AFF1: variants seen among roughly 807,000 people sequenced by gnomAD.
AFF1 encodes AF4/FMR2 family member 1.
A neutral mutation model predicts 121.7 loss-of-function variants in AFF1; 48 were observed. That is an observed-to-expected ratio of 0.39 (90% CI 0.31 to 0.50). The LOEUF (loss-of-function observed/expected upper bound fraction) is 0.50, where lower values mean the gene tolerates loss of function less well. AFF1 is among the 20% of genes least tolerant of loss of function. The pLI is 0.76. For missense variants in AFF1, 1,523 were observed against 1,511.7 expected (o/e 1.01, Z -0.12); for synonymous variants, 613 against 563.0 (o/e 1.09, Z -1.26).
At position 87,041,600 on chromosome 4, in the gene AFF1, A is replaced by G. The variant is rs543229077; in HGVS notation, c.39-4566A>G. ...GAGAACTTGTAACTCACTATATTCT[A>G]TTCGGAACAGTGGGAAAGAATGGCC... On this transcript the variant is annotated intron_variant, in intron 2 of 20. Transcript: ENST00000395146. Among the ~76,000 whole-genome samples, 189 of 152,268 alleles carry G rather than the reference A, an allele frequency of 1.2e-3. 1 individual carries two copies. Among genetic ancestry groups the G allele is most frequent in the South Asian group, 2.3e-3 (11 of 4,824 alleles).
intron 7 of AFF1, among the ~76,000 whole-genome samples, chr4:87,094,463 T>C (rs1448043659): frequency 6.6e-6 from 1 of 152,172 alleles, no homozygotes; most frequent in African/African-American, 2.4e-5. Flanking sequence ...ATGAATGAAT[T>C]GCAGGTGGGG....
intron 2 of AFF1, among the ~76,000 whole-genome samples, chr4:86,952,638 A>G (rs1721432630): frequency 6.6e-6 from 1 of 151,676 alleles, no homozygotes; most frequent in African/African-American, 2.4e-5. Context: ...TGTTCTGCAC[A>G]TGTATCCCAG....
chr4:87,127,173 C>CG lies in AFF1; in HGVS notation c.2903+56_2903+57insG, dbSNP rs1560657590. The CG allele has an allele frequency of 2.1e-5, 27 of 1,296,246 alleles. 1 individual carries two copies. The highest frequency in any genetic ancestry group is 1.1e-4 in the Admixed American group (6 of 53,942). The allele number at this position is 1,296,246 out of a possible 1,614,324, so 80.3% of individuals were successfully genotyped here. A position where few individuals can be genotyped will look rare whatever the true frequency, so the allele number is the denominator to read the frequency against. On this transcript the variant is annotated intron_variant, in intron 15 of 20. Coordinates refer to ENST00000395146, the MANE Select transcript of AFF1 (RefSeq NM_001166693.3). ...GTTTTGTTTTGTTTTGCTTCCCCCCCCCACCAAGATAGAGTCTCACTCTGT... is the reference window on the plus strand; with the variant it reads ...GTTTTGTTTTGTTTTGCTTCCCCCCCGCCACCAAGATAGAGTCTCACTCTGT...
At chr4:87,035,151 T>A (rs1729432159) in intron 2 of AFF1, among the ~76,000 whole-genome samples, 1 of 152,092 alleles carries the variant, frequency 6.6e-6, no homozygotes, top group South Asian at 2.1e-4. Flanking sequence ...AGGGAGAAGA[T>A]CTGTGCTTCC....
intron 2 of AFF1, among the ~76,000 whole-genome samples, chr4:87,002,104 CTTTTTTT>C (rs764965353): frequency 4.2e-5 from 6 of 141,976 alleles, no homozygotes; most frequent in Non-Finnish European, 9.2e-5. Flanking sequence ...TTTTCTTTTC[CTTTTTTT>C]TTTTTTTTCC....
chr4:86,991,907 A>G (rs2149506702), intron 2 of AFF1, among the ~76,000 whole-genome samples: 1 of 144,610 alleles, frequency 6.9e-6, no homozygotes, highest in Non-Finnish European at 1.5e-5. Context: ...TATTTATTGA[A>G]TTTTCTTTCA....
At chr4:87,049,960 T>G (rs1400050018) in intron 4 of AFF1, among the ~76,000 whole-genome samples, 3 of 152,232 alleles carry the variant, frequency 2.0e-5, no homozygotes, top group Admixed American at 1.3e-4. Flanking sequence ...GACTTAGCAT[T>G]AATTTTCTGT....
chr4:86,981,625 T>G (rs1282658830), intron 2 of AFF1, among the ~76,000 whole-genome samples: 2 of 152,130 alleles, frequency 1.3e-5, no homozygotes, highest in African/African-American at 2.4e-5. Context: ...TGTCTCGATC[T>G]CCCCAAAGTG....
rs1730021320 is a variant in AFF1 at position 87,040,492 on chromosome 4, A to G, written c.39-5674A>G. ...CTTTGCTAGCAGAACTGTGGCTGAG[A>G]GTATAAGCTTTCTTGCCAGGCATTG... is the stretch of plus-strand genomic sequence containing the variant. On this transcript the variant is annotated intron_variant, in intron 2 of 20. Transcript: ENST00000395146. Among the ~76,000 whole-genome samples, 2 of 151,706 alleles carry G rather than the reference A, an allele frequency of 1.3e-5. 1 individual carries two copies. The highest frequency in any genetic ancestry group is 4.1e-4 in the South Asian group (2 of 4,822).
intron 1 of AFF1, among the ~76,000 whole-genome samples, chr4:86,946,934 C>G (rs1720910230): frequency 1.3e-5 from 2 of 152,158 alleles, no homozygotes; most frequent in East Asian, 3.9e-4. Flanking sequence ...ATCAGGGACT[C>G]TTCAGATGCC....
intron 10 of AFF1, among the ~76,000 whole-genome samples, chr4:87,106,146 G>C (rs1174802360): frequency 6.6e-6 from 1 of 152,184 alleles, no homozygotes; most frequent in African/African-American, 2.4e-5. Context: ...ACTTTGGGAG[G>C]CTGAGGTGGG....
chr4:86,967,000 G>T (rs1472567318), intron 2 of AFF1, among the ~76,000 whole-genome samples: 1 of 152,154 alleles, frequency 6.6e-6, no homozygotes, highest in Non-Finnish European at 1.5e-5. Flanking sequence ...CTTTATAGAA[G>T]ATCTCTCAAT....
chr4:86,969,796 C>T (rs528790173), intron 2 of AFF1, among the ~76,000 whole-genome samples: 125 of 141,884 alleles, frequency 8.8e-4, no homozygotes, highest in Non-Finnish European at 1.7e-3. Flanking sequence ...GGAAGAATGG[C>T]GTGAACCCGG....
At chr4:87,038,117 T>C (rs911221253) in intron 2 of AFF1, among the ~76,000 whole-genome samples, 1 of 152,246 alleles carries the variant, frequency 6.6e-6, no homozygotes, top group East Asian at 1.9e-4. Flanking sequence ...TTTGTCATTG[T>C]AGTTGGCTGA....
At chr4:87,108,387 G>T (rs1259362453) in intron 11 of AFF1, 72 bp downstream of exon 11, 2 of 1,533,582 alleles carry the variant, frequency 1.3e-6, no homozygotes, top group African/African-American at 1.4e-5. Flanking sequence ...AGTCAGTGCT[G>T]TGGGCCAGGA....
At chr4:86,979,223 G>A (rs6821413) in intron 2 of AFF1, among the ~76,000 whole-genome samples, 6,113 of 152,164 alleles carry the variant, frequency 0.04, 218 homozygotes, top group African/African-American at 0.097. Context: ...TCAGCCTCCC[G>A]AGTAGCTGGG....
intron 2 of AFF1, among the ~76,000 whole-genome samples, chr4:86,956,739 A>G (rs1397527439): frequency 1.3e-5 from 2 of 152,210 alleles, no homozygotes; most frequent in African/African-American, 4.8e-5. Flanking sequence ...ATATTACAGC[A>G]TGTATCAGTT....
chr4:87,018,935 G>C (rs1727617401), intron 2 of AFF1, among the ~76,000 whole-genome samples: 1 of 152,132 alleles, frequency 6.6e-6, no homozygotes, highest in Admixed American at 6.5e-5. Context: ...AGGTCAGTGA[G>C]GTACAGTTAT....
chr4:86,969,835 GCAC>G, intron 2 of AFF1, among the ~76,000 whole-genome samples: 2 of 127,892 alleles, frequency 1.6e-5, no homozygotes, highest in Middle Eastern at 6.1e-3. Context: ...AGCCGAGATA[GCAC>G]CACTGCACTC....
Sources: allele counts gnomAD v4.1 joint callset (sites outside exome capture counted in the v4.1 genomes callset), GRCh38; gene constraint gnomAD v4.1.1; transcripts MANE v1.5; gene names NCBI Gene and HGNC (gene_info 2026-07-23, HGNC 2026-07-21).